The following NLRP6 variants were observed in gnomAD, a reference collection of about 807,000 sequenced individuals.
NLRP6 encodes the protein NLR family pyrin domain containing 6.
Under a neutral mutation model 70.9 loss-of-function variants are expected in NLRP6, and 55 were observed. The ratio of observed to expected loss-of-function variants is 0.78; its 90% confidence interval spans 0.62 to 0.97. The LOEUF (loss-of-function observed/expected upper bound fraction) is 0.97, where lower values mean the gene tolerates loss of function less well. Ranked by LOEUF, NLRP6 falls within the 50% of genes least tolerant of loss-of-function variation. The pLI, the probability that NLRP6 is intolerant of heterozygous loss-of-function variation, is 0.00. For missense variants in NLRP6, 1,241 were observed against 1,238.3 expected (o/e 1.00, Z -0.03); for synonymous variants, 652 against 581.9 (o/e 1.12, Z -1.73).
intron 5 of NLRP6, among the ~76,000 whole-genome samples, chr11:284,019 A>G (rs578215077): frequency 1.1e-3 from 167 of 152,330 alleles, no homozygotes; most frequent in African/African-American, 3.7e-3. Flanking sequence ...AAGAGCTCGT[A>G]GAGAGTGTCG....
At chr11:281,868 T>A in intron 4 of NLRP6, 29 bp downstream of exon 4, 1 of 1,539,638 alleles carries the variant, frequency 6.5e-7, no homozygotes, top group East Asian at 2.3e-5. Flanking sequence ...GATACTCTCT[T>A]GTGTGTGAGG....
intron 5 of NLRP6, 59 bp from the exon 6 acceptor site, chr11:284,171 T>G: frequency 1.3e-6 from 2 of 1,501,274 alleles, no homozygotes; most frequent in Non-Finnish European, 1.8e-6. Flanking sequence ...TTTGTGCAGT[T>G]GGAGGTGGTG....
chr11:279,674 G>C, intron 2 of NLRP6, 67 bp downstream of exon 2: 1 of 1,363,140 alleles, frequency 7.3e-7, no homozygotes, highest in Non-Finnish European at 9.4e-7. Context: ...CCCGCTTCCC[G>C]GAGAAGCCCC....
rs1199981820 is a variant in NLRP6, at chr11:281,479, A to G, written c.1745A>G (p.Gln582Arg). The G allele has an allele frequency of 1.3e-6, 2 of 1,597,694 alleles. No individual in the cohort carries two copies. The highest frequency in any genetic ancestry group is 4.5e-5 in the East Asian group (2 of 44,664). The change falls in exon 4 of 8, where the codon CAG becomes CGG. Residue 582 changes from glutamine (Q) to arginine (R), a missense_variant. By Grantham distance (43) the Gln-to-Arg change is conservative. Coordinates refer to ENST00000534750, the MANE Select transcript of NLRP6 (RefSeq NM_001276700.2). ...KQEALRWVQG[Q>R]GQGCPGVAPE... ...GAGGCCCTGCGGTGGGTGCAGGGAC[A>G]GGGACAGGGCTGCCCCGGAGTGGCA...
chr11:284,312 G>T lies in NLRP6; in HGVS notation c.2281G>T (p.Gly761Cys), dbSNP rs373010902. 26 of 1,612,320 alleles carry T rather than the reference G, an allele frequency of 1.6e-5. No homozygotes were observed. Among genetic ancestry groups the T allele is most frequent in the Non-Finnish European group, 2.1e-5 (25 of 1,179,896 alleles). ...GGCAGCCCCCGCACTGACGGAGCTG[G>T]GCCTCCTCCACAACAGGCTCAGTGA... ...LRAAPALTELGLLHNRLSEAG... is the reference protein window; with the variant it reads ...LRAAPALTELCLLHNRLSEAG... Residue 761 changes from glycine to cysteine, a missense_variant, in exon 6 of 8, where the codon GGC (glycine) becomes TGC (cysteine). Transcript: ENST00000534750.
chr11:278,691 C>A lies in NLRP6; in HGVS notation c.29+93C>A. The A allele has an allele frequency of 1.1e-6, 1 of 949,076 alleles. No homozygotes were observed. Among genetic ancestry groups the A allele is most frequent in the Non-Finnish European group, 1.5e-6 (1 of 646,936 alleles). 58.8% of individuals were successfully genotyped at this position (949,076 alleles called of 1,614,324 possible). A position where few individuals can be genotyped will look rare whatever the true frequency, so the allele number is the denominator to read the frequency against. On this transcript the variant is annotated intron_variant, in intron 1 of 7. Transcript: ENST00000534750. This position sits in a 1 kb window ranked among gnomAD's most constrained non-coding sequence, Gnocchi z 4.7. The stretch of plus-strand genomic sequence containing the variant: ...CCCGCTGACTTCCTCAGGCTCTCCA[C>A]CCTTGTCCACATCCTTCCCCCACCC...
At position 280,757 on chromosome 11, in the gene NLRP6, G is replaced by A. The variant is rs761487551; in HGVS notation, c.1023G>A (p.Pro341=). ...GGCTGCAGGGCCGCCTGTGTTCCCCGCAGTGCGCCGAGGTGCGCGGCTTCT... is the reference window on the plus strand; with the variant it reads ...GGCTGCAGGGCCGCCTGTGTTCCCCACAGTGCGCCGAGGTGCGCGGCTTCT... ...PGRLQGRLCS[P]QCAEVRGFSD... is the part of the protein sequence containing the mutation. The change falls in exon 4 of 8, where the codon CCG becomes CCA. Residue 341 remains proline (P), a synonymous_variant. Transcript: ENST00000534750. 5.0e-6 allele frequency: 8 copies of A among 1,608,352 alleles called. No individual in the cohort carries two copies. The highest frequency in any genetic ancestry group is 3.3e-5 in the Admixed American group (2 of 59,736).
Position 281,535 on chromosome 11 carries a change from G to A in NLRP6, c.1801G>A (p.Glu601Lys), listed in dbSNP as rs751432797. ...PEVTEGAKGL[E>K]DTEEPEEEEE... ...GGTGACCGAGGGGGCCAAAGGGCTC[G>A]AGGACACCGAAGAGCCAGAGGAGGA... Residue 601 changes from glutamate to lysine, a missense_variant, in exon 4 of 8, where the codon GAG (glutamate) becomes AAG (lysine). Coordinates refer to ENST00000534750, the MANE Select transcript of NLRP6 (RefSeq NM_001276700.2). The A allele has an allele frequency of 1.9e-6, 3 of 1,610,136 alleles. No homozygotes were observed. The highest frequency in any genetic ancestry group is 2.5e-6 in the Non-Finnish European group (3 of 1,178,244).
At position 284,220 on chromosome 11, in the gene NLRP6, T is replaced by C. The variant is rs374048327; in HGVS notation, c.2199-10T>C. 2.6e-4 allele frequency: 413 copies of C among 1,612,972 alleles called. 2 individuals carry two copies. In the South Asian group the frequency reaches 4.1e-3, roughly 16 times the overall value. The stretch of plus-strand genomic sequence containing the variant: ...GCCTGCAGGTAAATCTCTGTGCTTC[T>C]TGACCACAGGCTGTCCCACTGCAAA... On this transcript the variant is annotated splice_polypyrimidine_tract_variant and intron_variant, in intron 5 of 7. Transcript: ENST00000534750.
In NLRP6 at chr11:285,332, G is replaced by T. The variant is rs368082311; in HGVS notation, c.*28G>T. The T allele has an allele frequency of 6.2e-7, 1 of 1,601,180 alleles. No individual in the cohort carries two copies. Among genetic ancestry groups the T allele is most frequent in the Non-Finnish European group, 8.5e-7 (1 of 1,172,894 alleles). ...CTCTGGTGGCCAGAGCAGGGTGGAA[G>T]ACCCTAGTCAAAGTCCCTGTGGAGA... On this transcript the variant is annotated 3_prime_UTR_variant, in exon 8 of 8. Transcript: ENST00000534750.
In NLRP6 at chr11:281,527, A is replaced by C; in HGVS notation, c.1793A>C (p.Lys598Thr). The C allele has an allele frequency of 6.2e-7, 1 of 1,609,102 alleles. No homozygotes were observed. Among genetic ancestry groups the C allele is most frequent in the South Asian group, 1.1e-5 (1 of 90,426 alleles). ...GCACCAGAGGTGACCGAGGGGGCCA[A>C]AGGGCTCGAGGACACCGAAGAGCCA... ...GVAPEVTEGA[K>T]GLEDTEEPEE... is the part of the protein sequence containing the mutation. Residue 598 changes from lysine (K) to threonine (T), a missense_variant, in exon 4 of 8, where the codon AAA becomes ACA. Lys to Thr is a moderately conservative substitution (Grantham distance 78). Coordinates refer to ENST00000534750, the MANE Select transcript of NLRP6 (RefSeq NM_001276700.2).
In NLRP6 at chr11:284,557, C is replaced by T. The variant is rs1437469894; in HGVS notation, c.2452C>T (p.Leu818Phe). 1 of 1,612,712 alleles carries T rather than the reference C, an allele frequency of 6.2e-7. No individual in the cohort carries two copies. The highest frequency in any genetic ancestry group is 8.5e-7 in the Non-Finnish European group (1 of 1,179,816). Reference sequence around the variant, plus strand: ...GAGCCCTGCCCTGACCACCCTGGATCTCAGCGGCTGCCAACTGCCCGCCCC... The same window carrying T: ...GAGCCCTGCCCTGACCACCCTGGATTTCAGCGGCTGCCAACTGCCCGCCCC... ...RQSPALTTLD[L>F]SGCQLPAPMV... Residue 818 changes from leucine (L) to phenylalanine (F), a missense_variant, in exon 7 of 8, where the codon CTC (leucine) becomes TTC (phenylalanine). Coordinates refer to ENST00000534750, the MANE Select transcript of NLRP6 (RefSeq NM_001276700.2).
In NLRP6 at chr11:281,638, G is replaced by C; in HGVS notation, c.1904G>C (p.Arg635Pro). 6.2e-7 allele frequency: 1 copy of C among 1,613,190 alleles called. No individual in the cohort carries two copies. The highest frequency in any genetic ancestry group is 8.5e-7 in the Non-Finnish European group (1 of 1,179,852). ...LYETQEDAFVRQALCRFPELA... is the reference protein window; with the variant it reads ...LYETQEDAFVPQALCRFPELA... ...GAGACGCAGGAGGACGCGTTTGTGC[G>C]CCAAGCCCTGTGCCGGTTCCCGGAG... Residue 635 changes from arginine to proline, a missense_variant, in exon 4 of 8, where the codon CGC becomes CCC. Arg to Pro is a moderately radical substitution (Grantham distance 103). Coordinates refer to ENST00000534750, the MANE Select transcript of NLRP6 (RefSeq NM_001276700.2).
In NLRP6 at chr11:280,288, TCTTC is replaced by T; in HGVS notation, c.556_559del (p.Phe186AlafsTer10). On this transcript the variant is annotated frameshift_variant, in exon 4 of 8. Coordinates refer to ENST00000534750, the MANE Select transcript of NLRP6 (RefSeq NM_001276700.2). LOFTEE classifies it high-confidence loss of function. ...TCGGACACGCACACTTTCAACCGCC[TCTTC>T]CGCCGCGACGAGGAGGGCCGGCGGC... 6.6e-7 allele frequency: 1 copy of T among 1,505,316 alleles called. No individual in the cohort carries two copies. Among genetic ancestry groups the T allele is most frequent in the Non-Finnish European group, 8.9e-7 (1 of 1,127,794 alleles). 93.2% of individuals were successfully genotyped at this position (1,505,316 alleles called of 1,614,324 possible).
In NLRP6 at chr11:278,559, G is replaced by T; in HGVS notation, c.-11G>T. 2 of 1,587,326 alleles carry T rather than the reference G, an allele frequency of 1.3e-6. No homozygotes were observed. The highest frequency in any genetic ancestry group is 1.7e-6 in the Non-Finnish European group (2 of 1,167,826). ...GCCCCGGAGTGCTAGACCCAGGGAG[G>T]AAGAGACCCCATGGACCAGCCAGAG... On this transcript the variant is annotated 5_prime_UTR_variant, in exon 1 of 8. Coordinates refer to ENST00000534750, the MANE Select transcript of NLRP6 (RefSeq NM_001276700.2). The surrounding 1 kb of genome is among the most constrained non-coding windows in gnomAD (Gnocchi z 4.7).
intron 2 of NLRP6, 82 bp from the exon 3 acceptor site, chr11:279,752 G>A: frequency 7.0e-7 from 1 of 1,435,108 alleles, no homozygotes; most frequent in Non-Finnish European, 9.3e-7. Context: ...GACCCTGCGT[G>A]CTCCTCAGGG....
Position 281,399 on chromosome 11 carries a change from G to A in NLRP6, c.1665G>A (p.Arg555=), listed in dbSNP as rs199475807. Residue 555 remains arginine (R), a synonymous_variant, in exon 4 of 8, where the codon CGG becomes CGA. Transcript: ENST00000534750. ...RFLFGLLSAE[R]MRDIERHFGC... ...TCTTCGGACTGCTGAGCGCGGAGCG[G>A]ATGCGCGACATCGAGCGCCACTTCG... 116 of 1,609,520 alleles carry A rather than the reference G, an allele frequency of 7.2e-5. No homozygotes were observed. The East Asian group carries it at 1.0e-3, about 14-fold the overall frequency.
intron 5 of NLRP6, 67 bp downstream of exon 5, chr11:282,864 G>A (rs553532636): frequency 2.0e-5 from 23 of 1,169,012 alleles, no homozygotes; most frequent in South Asian, 1.5e-4. Context: ...GGGCAGAGAC[G>A]GAAGTATGAC....
chr11:283,565 T>A (rs923291582), intron 5 of NLRP6, among the ~76,000 whole-genome samples: 1 of 152,024 alleles, frequency 6.6e-6, no homozygotes, highest in African/African-American at 2.4e-5. Flanking sequence ...CACCCGCCTC[T>A]GCCTCCCAAA....
Sources: allele counts gnomAD v4.1 joint callset (sites outside exome capture counted in the v4.1 genomes callset), GRCh38; gene constraint gnomAD v4.1.1; non-coding constraint Gnocchi (gnomAD v3.1); transcripts MANE v1.5; gene names NCBI Gene and HGNC (gene_info 2026-07-23, HGNC 2026-07-21).